Variants in SEZ6 observed in about 807,000 individuals in gnomAD.
The protein encoded by SEZ6 is seizure related 6 homolog.
Under a neutral mutation model 101.0 loss-of-function variants are expected in SEZ6, and 53 were observed. The observed-to-expected ratio is 0.52, with a 90% confidence interval of 0.42 to 0.66. The LOEUF is 0.66. Ranked by LOEUF, SEZ6 falls within the 30% of genes least tolerant of loss-of-function variation. The pLI is 0.00. For synonymous variants in SEZ6, 488 were observed against 512.2 expected, an observed-to-expected ratio of 0.95 and a Z score of 0.64; for missense variants, 1,102 against 1,289.4, an observed-to-expected ratio of 0.85 and a Z score of 2.23.
rs144984562 is a variant in SEZ6, at chr17:28,960,454, G to A, written c.1576+51C>T. 210 of 1,555,514 alleles carry A rather than the reference G, an allele frequency of 1.4e-4. No homozygotes were observed. In the African/African-American group the frequency reaches 1.8e-3, roughly 13 times the overall value. ...GGTGTGGGAGAAAGACCCTAGGCCC[G>A]AGCCCATCCCCGTGGACCCGCCACC... On this transcript the variant is annotated intron_variant, in intron 7 of 16. Transcript: ENST00000317338.
chr17:28,961,087 G>T, intron 5 of SEZ6, 114 bp from the exon 6 acceptor site: 1 of 1,309,860 alleles, frequency 7.6e-7, no homozygotes, highest in South Asian at 1.4e-5. Flanking sequence ...CGGGGACCTT[G>T]CCTCCCTGCC....
At chr17:28,991,502 G>A (rs1289248549) in intron 1 of SEZ6, among the ~76,000 whole-genome samples, 4 of 152,170 alleles carry the variant, frequency 2.6e-5, no homozygotes, top group African/African-American at 9.7e-5. Context: ...CACAGCGCCC[G>A]GCCAGTTTAC....
At chr17:28,969,981 AAGTAGTC>A in intron 3 of SEZ6, 29 bp from the exon 4 acceptor site, 2 of 1,510,932 alleles carry the variant, frequency 1.3e-6, no homozygotes, top group Non-Finnish European at 1.7e-6. Flanking sequence ...GAGAAAAGCA[AAGTAGTC>A]AGACTTCTTC....
intron 1 of SEZ6, among the ~76,000 whole-genome samples, chr17:28,985,943 C>T (rs959315215): frequency 6.6e-6 from 1 of 152,216 alleles, no homozygotes; most frequent in African/African-American, 2.4e-5. Context: ...TTGCTCAGTC[C>T]TCCCCTCCCG....
intron 1 of SEZ6, among the ~76,000 whole-genome samples, chr17:28,994,881 C>CT (rs925983645): frequency 1.4e-3 from 211 of 148,088 alleles, no homozygotes; most frequent in African/African-American, 4.7e-3. Context: ...CTTTTCTTTT[C>CT]TTTTTTTTTT....
chr17:28,975,081 A>G (rs973264705), intron 3 of SEZ6, among the ~76,000 whole-genome samples: 1 of 152,226 alleles, frequency 6.6e-6, no homozygotes, highest in Non-Finnish European at 1.5e-5. Context: ...CAGCGCTAGC[A>G]GTCATCTTTC....
chr17:28,963,155 CT>C (rs2041011922), intron 5 of SEZ6, among the ~76,000 whole-genome samples: 1 of 151,274 alleles, frequency 6.6e-6, no homozygotes, highest in Non-Finnish European at 1.5e-5. Context: ...GCCCAAGTTG[CT>C]TTTCATACTG....
intron 4 of SEZ6, among the ~76,000 whole-genome samples, chr17:28,966,354 G>A (rs897081954): frequency 2.0e-5 from 3 of 150,830 alleles, no homozygotes; most frequent in African/African-American, 7.3e-5. Context: ...ATGGTGGCAC[G>A]CGCCTGTAGT....
At chr17:28,998,004 G>A (rs760985221) in intron 1 of SEZ6, among the ~76,000 whole-genome samples, 1 of 152,056 alleles carries the variant, frequency 6.6e-6, no homozygotes, top group Non-Finnish European at 1.5e-5. Flanking sequence ...CTGCTGGCTG[G>A]TGGGACCCAG....
chr17:28,999,481 T>G (rs2041586181), intron 1 of SEZ6, among the ~76,000 whole-genome samples: 1 of 151,406 alleles, frequency 6.6e-6, no homozygotes, highest in Non-Finnish European at 1.5e-5. Flanking sequence ...GCCTGAGACC[T>G]GGAGACCCGG....
chr17:29,005,927 G>C lies in SEZ6; in HGVS notation c.-58C>G. On this transcript the variant is annotated 5_prime_UTR_variant, in exon 1 of 17. Transcript: ENST00000317338. The surrounding 1 kb of genome is among the most constrained non-coding windows in gnomAD (Gnocchi z 4.8). ...CCGCGGCGGGAGGGCGGGGGGCTTG[G>C]TGGGGCTTGGGCGCGGGGGCAGAGC... 7.3e-7 allele frequency: 1 copy of C among 1,371,006 alleles called. No homozygotes were observed. The highest frequency in any genetic ancestry group is 1.5e-5 in the South Asian group (1 of 65,582). 84.9% of individuals were successfully genotyped at this position (1,371,006 alleles called of 1,614,324 possible).
At chr17:28,982,961 C>T (rs1048884847) in intron 1 of SEZ6, among the ~76,000 whole-genome samples, 3 of 150,530 alleles carry the variant, frequency 2.0e-5, no homozygotes, top group African/African-American at 4.9e-5. Flanking sequence ...CCACCGCACC[C>T]GACCATGGGT....
chr17:28,961,846 C>T (rs2040983271), intron 5 of SEZ6, among the ~76,000 whole-genome samples: 1 of 152,192 alleles, frequency 6.6e-6, no homozygotes, highest in African/African-American at 2.4e-5. Flanking sequence ...ACCAGGCTGC[C>T]ATGACCAATA....
chr17:28,981,895 A>T lies in SEZ6; in HGVS notation c.200T>A (p.Leu67His). 1 of 1,613,816 alleles carries T rather than the reference A, an allele frequency of 6.2e-7. No individual in the cohort carries two copies. The highest frequency in any genetic ancestry group is 8.5e-7 in the Non-Finnish European group (1 of 1,179,850). ...TTCCTCAAGCAGCGGGTGGTGGTTGAGCAGCTTCAAGGTGGGGGCTGTTGT... is the reference window on the plus strand; with the variant it reads ...TTCCTCAAGCAGCGGGTGGTGGTTGTGCAGCTTCAAGGTGGGGGCTGTTGT... ...FVTTAPTLKL[L>H]NHHPLLEEFL... Residue 67 changes from leucine (L) to histidine (H), a missense_variant, in exon 2 of 17, where the codon CTC becomes CAC. Coordinates refer to ENST00000317338, the MANE Select transcript of SEZ6 (RefSeq NM_178860.5).
intron 1 of SEZ6, 133 bp from the exon 2 acceptor site, chr17:28,982,172 CGG>C: frequency 7.1e-7 from 1 of 1,409,374 alleles, no homozygotes; most frequent in Non-Finnish European, 9.2e-7. Flanking sequence ...CTGAGAATCA[CGG>C]AACTACAGAA....
chr17:28,979,575 A>T, intron 3 of SEZ6, 105 bp downstream of exon 3: 1 of 1,525,388 alleles, frequency 6.6e-7, no homozygotes, highest in Non-Finnish European at 9.0e-7. Context: ...ATGCCCCACA[A>T]TTGATGCCCC....
At chr17:28,984,966 C>T (rs2041357916) in intron 1 of SEZ6, among the ~76,000 whole-genome samples, 1 of 152,188 alleles carries the variant, frequency 6.6e-6, no homozygotes, top group Admixed American at 6.5e-5. Context: ...TCAGGCCCTT[C>T]CCAGACCTTG....
intron 1 of SEZ6, among the ~76,000 whole-genome samples, chr17:28,984,831 C>A (rs1814214908): frequency 6.6e-6 from 1 of 152,186 alleles, no homozygotes; most frequent in African/African-American, 2.4e-5. Flanking sequence ...TGGATAGGGG[C>A]TTCTCTCTGC....
chr17:28,963,127 GA>G (rs61378133), intron 5 of SEZ6, among the ~76,000 whole-genome samples: 46,132 of 110,206 alleles, frequency 0.42, 8,167 homozygotes, highest in African/African-American at 0.56. Context: ...CCGTCTCGAA[GA>G]AAAAAAAAAA....
Sources: gnomAD v4.1 joint callset for allele counts (sites outside exome capture counted in the v4.1 genomes callset) on GRCh38, gnomAD v4.1.1 for gene constraint, Gnocchi (gnomAD v3.1) non-coding constraint, MANE v1.5 for transcripts, NCBI Gene and HGNC (gene_info 2026-07-23, HGNC 2026-07-21) for gene names.